FMO3: variants seen among roughly 807,000 people sequenced by gnomAD.
The protein encoded by FMO3 is flavin-containing monooxygenase 3.
In FMO3, 40 loss-of-function variants were observed where a neutral mutation model predicts 39.4. That is an observed-to-expected ratio of 1.02 (90% confidence interval 0.79 to 1.32). The LOEUF (loss-of-function observed/expected upper bound fraction) is 1.32. Ranked by LOEUF, FMO3 falls within the 40% of genes most tolerant of loss-of-function variation. The pLI, the probability that FMO3 is intolerant of heterozygous loss-of-function variation, is 0.00. For missense variants in FMO3, 680 were observed against 651.8 expected (o/e 1.04, Z -0.47); for synonymous variants, 219 against 228.8 (o/e 0.96, Z 0.39).
chr1:171,094,420 GT>G (rs1417107859), intron 2 of FMO3, among the ~76,000 whole-genome samples: 2 of 151,950 alleles, frequency 1.3e-5, no homozygotes, highest in Non-Finnish European at 2.9e-5. Flanking sequence ...AAGGTAGTCT[GT>G]TCACTCTGTT....
intron 6 of FMO3, among the ~76,000 whole-genome samples, chr1:171,113,434 C>G (rs541047932): frequency 2.6e-5 from 4 of 152,272 alleles, no homozygotes; most frequent in African/African-American, 9.6e-5. Flanking sequence ...GACTTTCCTC[C>G]TCCTATTTGG....
chr1:171,101,588 T>C, intron 2 of FMO3: 3 of 426,088 alleles, frequency 7.0e-6, no homozygotes, highest in Non-Finnish European at 1.4e-5. Flanking sequence ...TGGTTAAAAC[T>C]TAGCTAACAC....
intron 2 of FMO3, among the ~76,000 whole-genome samples, chr1:171,096,033 ATAT>A: frequency 1.5e-5 from 1 of 66,046 alleles, no homozygotes; most frequent in East Asian, 4.1e-4. Context: ...TTAATATATA[ATAT>A]ATATTATATA....
In FMO3 at chr1:171,117,533, T is replaced by G; in HGVS notation, c.*91T>G. ...AAATTAAAATTTTCACACCACCTGC[T>G]TTTCTATTCAGCATCTTTTGCAGTA... On this transcript the variant is annotated 3_prime_UTR_variant, in exon 9 of 9. Transcript: ENST00000367755. 1 of 931,202 alleles carries G rather than the reference T, an allele frequency of 1.1e-6. No individual in the cohort carries two copies. The highest frequency in any genetic ancestry group is 1.7e-6 in the Non-Finnish European group (1 of 605,662). The allele number at this position is 931,202 out of a possible 1,614,324, so 57.7% of individuals were successfully genotyped here. A position where few individuals can be genotyped will look rare whatever the true frequency, so the allele number is the denominator to read the frequency against.
At chr1:171,109,588 G>T (rs1418287800) in intron 5 of FMO3, among the ~76,000 whole-genome samples, 1 of 127,234 alleles carries the variant, frequency 7.9e-6, no homozygotes, top group Non-Finnish European at 1.6e-5. Flanking sequence ...AGGCTGGAGT[G>T]CAGTGGCACA....
chr1:171,098,282 T>A (rs1261081409), intron 2 of FMO3, among the ~76,000 whole-genome samples: 1 of 152,192 alleles, frequency 6.6e-6, no homozygotes, highest in East Asian at 1.9e-4. Context: ...GGGCTCTTTT[T>A]TGGTTCCATA....
chr1:171,115,981 C>T (rs1355363886), intron 7 of FMO3, among the ~76,000 whole-genome samples: 6 of 152,106 alleles, frequency 3.9e-5, no homozygotes, highest in Non-Finnish European at 7.4e-5. Flanking sequence ...ATCTATGAAA[C>T]TGTTTTGAAA....
chr1:171,096,857 G>A (rs1190048096), intron 2 of FMO3, among the ~76,000 whole-genome samples: 3 of 150,452 alleles, frequency 2.0e-5, no homozygotes, highest in Non-Finnish European at 3.0e-5. Flanking sequence ...TGTTACATAT[G>A]TATACATGTG....
chr1:171,096,450 TA>T (rs555338175), intron 2 of FMO3, among the ~76,000 whole-genome samples: 1 of 100,270 alleles, frequency 1.0e-5, no homozygotes, highest in Non-Finnish European at 1.7e-5. Flanking sequence ...TTTTATATAT[TA>T]AATATATATT....
chr1:171,113,816 A>C (rs1043789350), intron 6 of FMO3, among the ~76,000 whole-genome samples, 191 bp from the exon 7 acceptor site: 4 of 152,178 alleles, frequency 2.6e-5, no homozygotes, highest in Non-Finnish European at 4.4e-5. Context: ...TGGGGCCAGC[A>C]AATAACAACT....
intron 7 of FMO3, 116 bp from the exon 8 acceptor site, chr1:171,116,092 G>C (rs559268945): frequency 1.4e-6 from 1 of 710,282 alleles, no homozygotes; most frequent in African/African-American, 1.7e-5. Context: ...TTTGGTGTCT[G>C]TCTGAAAATG....
intron 2 of FMO3, among the ~76,000 whole-genome samples, chr1:171,098,921 G>A (rs1412815271): frequency 6.6e-6 from 1 of 152,176 alleles, no homozygotes; most frequent in Non-Finnish European, 1.5e-5. Context: ...GATATTGGCT[G>A]TGGGTTTGTC....
At position 171,103,863 on chromosome 1, in the gene FMO3, G is replaced by A. The variant is rs143454925; in HGVS notation, c.211G>A (p.Asp71Asn). 3.7e-6 allele frequency: 6 copies of A among 1,613,696 alleles called. No individual in the cohort carries two copies. The African/African-American group carries it at 8.0e-5, about 22-fold the overall frequency. ...TTCCAAAGAGATGATGTGTTTCCCAGACTTCCCATTTCCCGATGACTTCCC... is the reference window on the plus strand; with the variant it reads ...TTCCAAAGAGATGATGTGTTTCCCAAACTTCCCATTTCCCGATGACTTCCC... Reference protein sequence around the residue: ...NSSKEMMCFPDFPFPDDFPNF... With the variant: ...NSSKEMMCFPNFPFPDDFPNF... Residue 71 changes from aspartate to asparagine, a missense_variant, in exon 3 of 9, where the codon GAC (aspartate) becomes AAC (asparagine). Asp to Asn is a conservative substitution (Grantham distance 23). Coordinates refer to ENST00000367755, the MANE Select transcript of FMO3 (RefSeq NM_001002294.3).
intron 2 of FMO3, among the ~76,000 whole-genome samples, chr1:171,095,791 TA>T (rs1437622045): frequency 3.9e-5 from 5 of 127,614 alleles, no homozygotes; most frequent in Admixed American, 9.9e-5. Context: ...ATTAAATATA[TA>T]AAAAATATAA....
At chr1:171,100,956 T>G (rs554510650) in intron 2 of FMO3, 2 of 352,078 alleles carry the variant, frequency 5.7e-6, no homozygotes, top group East Asian at 1.5e-4. Context: ...CTATAATGAA[T>G]GCATCGTTAA....
At chr1:171,110,575 T>C (rs1276062657) in intron 5 of FMO3, among the ~76,000 whole-genome samples, 5 of 152,106 alleles carry the variant, frequency 3.3e-5, no homozygotes. Flanking sequence ...CATTGACCAG[T>C]CACTAGATGG....
At chr1:171,096,330 A>G (rs1434913921) in intron 2 of FMO3, among the ~76,000 whole-genome samples, 1 of 96,156 alleles carries the variant, frequency 1.0e-5, no homozygotes, top group Admixed American at 1.8e-4. Flanking sequence ...TATAATATAT[A>G]AAATATATAA....
intron 4 of FMO3, 27 bp downstream of exon 4, chr1:171,107,864 C>G (rs1557941903): frequency 6.2e-7 from 1 of 1,605,656 alleles, no homozygotes; most frequent in Non-Finnish European, 8.5e-7. Context: ...AGCTGCTAGC[C>G]ACATAACTGA....
chr1:171,117,125 A>T lies in FMO3; in HGVS notation c.1282A>T (p.Thr428Ser), dbSNP rs147245760. The change falls in exon 9 of 9, where the codon ACA becomes TCA. Residue 428 changes from threonine (T) to serine (S), a missense_variant. Physicochemically the swap from Thr to Ser is moderately conservative, Grantham distance 58 (BLOSUM62 1). Coordinates refer to ENST00000367755, the MANE Select transcript of FMO3 (RefSeq NM_001002294.3). ...KWFGKSETIQTDYIVYMDELS... is the reference protein window; with the variant it reads ...KWFGKSETIQSDYIVYMDELS... ...GTTTGGCAAAAGCGAGACCATACAG[A>T]CAGATTACATTGTTTATATGGATGA... The T allele has an allele frequency of 7.0e-5, 113 of 1,614,030 alleles. No individual in the cohort carries two copies. The highest frequency in any genetic ancestry group is 6.0e-4 in the Admixed American group (36 of 60,004).
Sources: allele counts gnomAD v4.1 joint callset (sites outside exome capture counted in the v4.1 genomes callset), GRCh38; gene constraint gnomAD v4.1.1; transcripts MANE v1.5; gene names NCBI Gene and HGNC (gene_info 2026-07-23, HGNC 2026-07-21).